Variants in SGCD observed in about 807,000 individuals in gnomAD.
SGCD encodes delta-sarcoglycan.
A neutral mutation model predicts 36.6 loss-of-function variants in SGCD; 18 were observed. The observed-to-expected ratio is 0.49, with a 90% CI of 0.34 to 0.73. SGCD has a LOEUF of 0.73. SGCD is among the 30% of genes least tolerant of loss of function. SGCD has a pLI of 0.01. For synonymous variants in SGCD, 133 were observed against 130.6 expected, an observed-to-expected ratio of 1.02 and a Z score of -0.12; for missense variants, 387 against 346.7, an observed-to-expected ratio of 1.12 and a Z score of -0.92.
chr5:156,116,669 T>C (rs1229625024), intron 1 of SGCD, among the ~76,000 whole-genome samples: 1 of 152,108 alleles, frequency 6.6e-6, no homozygotes, highest in Non-Finnish European at 1.5e-5. Context: ...CTCAAGACTC[T>C]CCTGCATTCT....
chr5:156,325,269 A>G (rs1767776906), upstream of SGCD, among the ~76,000 whole-genome samples: 1 of 151,952 alleles, frequency 6.6e-6, no homozygotes, highest in Non-Finnish European at 1.5e-5. Context: ...GCAGCAGAAA[A>G]CTAGCCACTC....
intron 3 of SGCD, among the ~76,000 whole-genome samples, chr5:156,488,738 C>T (rs1232073597): frequency 6.6e-6 from 1 of 152,072 alleles, no homozygotes; most frequent in African/African-American, 2.4e-5. Context: ...AGAGCAGATA[C>T]ACAAATCAAA....
chr5:156,163,067 G>A (rs1360594994), intron 3 of SGCD, among the ~76,000 whole-genome samples: 1 of 151,480 alleles, frequency 6.6e-6, no homozygotes, highest in Non-Finnish European at 1.5e-5. Flanking sequence ...CTTTCTTAAG[G>A]TGCATTGCAG....
At chr5:156,257,446 C>G (rs367832978) in intron 3 of SGCD, among the ~76,000 whole-genome samples, 1 of 152,092 alleles carries the variant, frequency 6.6e-6, no homozygotes, top group Admixed American at 6.5e-5. Flanking sequence ...TGCACTCCAG[C>G]CTGGGCGACA....
At chr5:156,526,055 A>T (rs759190412) in intron 4 of SGCD, among the ~76,000 whole-genome samples, 2 of 152,132 alleles carry the variant, frequency 1.3e-5, no homozygotes, top group Non-Finnish European at 2.9e-5. Context: ...TGGTTTTGAA[A>T]TTGTATGCAA....
intron 1 of SGCD, among the ~76,000 whole-genome samples, chr5:156,012,997 C>G (rs1489486367): frequency 6.8e-6 from 1 of 147,954 alleles, no homozygotes; most frequent in East Asian, 2.0e-4. Context: ...AGTGTCTTTT[C>G]ATTTCCATAT....
chr5:156,171,806 G>A (rs929997287), intron 3 of SGCD, among the ~76,000 whole-genome samples: 9 of 152,130 alleles, frequency 5.9e-5, no homozygotes, highest in Non-Finnish European at 1.0e-4. Flanking sequence ...TCCAACTCTA[G>A]TGGCAATGTC....
the SGCD span, among the ~76,000 whole-genome samples, chr5:155,741,687 CTTTTTTT>C: frequency 3.0e-5 from 4 of 132,290 alleles, no homozygotes; most frequent in Admixed American, 7.7e-5. Context: ...CTTTTCTTTT[CTTTTTTT>C]TTTTTTTTTT....
intron 2 of SGCD, among the ~76,000 whole-genome samples, chr5:156,331,043 A>C (rs1289628324): frequency 6.6e-6 from 1 of 152,234 alleles, no homozygotes; most frequent in African/African-American, 2.4e-5. Flanking sequence ...ATATTAATAC[A>C]TATAGTTAAG....
At chr5:156,759,070 C>T in intron 8 of SGCD, 147 bp from the exon 9 acceptor site, 1 of 625,122 alleles carries the variant, frequency 1.6e-6, no homozygotes, top group South Asian at 2.0e-5. Context: ...TTGTTGGTAT[C>T]CAAATCCCCA....
intron 1 of SGCD, among the ~76,000 whole-genome samples, chr5:156,019,136 A>C (rs1371619910): frequency 6.6e-6 from 1 of 152,258 alleles, no homozygotes; most frequent in African/African-American, 2.4e-5. Context: ...CTAGTATAAT[A>C]AACTGATCTT....
At chr5:156,425,236 C>T (rs896437936) in intron 3 of SGCD, among the ~76,000 whole-genome samples, 1 of 151,868 alleles carries the variant, frequency 6.6e-6, no homozygotes, top group Admixed American at 6.6e-5. Flanking sequence ...ATGAGAAAAC[C>T]AAGAATTTAA....
intron 1 of SGCD, among the ~76,000 whole-genome samples, chr5:155,905,599 G>T (rs1012034629): frequency 6.6e-6 from 1 of 152,238 alleles, no homozygotes; most frequent in Non-Finnish European, 1.5e-5. Flanking sequence ...TTTATTGTGT[G>T]ATATGGTTTG....
At chr5:155,815,685 G>A in the SGCD span, among the ~76,000 whole-genome samples, 2 of 152,058 alleles carry the variant, frequency 1.3e-5, no homozygotes, top group Non-Finnish European at 2.9e-5. Context: ...GAGAGAGCAG[G>A]GGAAGGTGCC....
At chr5:156,747,860 G>A (rs1445048654) in intron 7 of SGCD, among the ~76,000 whole-genome samples, 1 of 152,130 alleles carries the variant, frequency 6.6e-6, no homozygotes, top group Admixed American at 6.5e-5. Flanking sequence ...AGACATGCCT[G>A]TCTTATAACC....
intron 1 of SGCD, among the ~76,000 whole-genome samples, chr5:155,874,939 T>C (rs1006974923): frequency 6.6e-6 from 1 of 152,116 alleles, no homozygotes; most frequent in African/African-American, 2.4e-5. Context: ...AGAAAGCGTA[T>C]GTCCACATAA....
chr5:156,312,867 A>G (rs1767423621), intron 3 of SGCD, among the ~76,000 whole-genome samples: 1 of 152,164 alleles, frequency 6.6e-6, no homozygotes, highest in Non-Finnish European at 1.5e-5. Flanking sequence ...CCAGCCCCAT[A>G]AGAAAATTGT....
chr5:156,523,920 C>G (rs1757517379), intron 4 of SGCD, among the ~76,000 whole-genome samples: 1 of 150,662 alleles, frequency 6.6e-6, no homozygotes, highest in Non-Finnish European at 1.5e-5. Flanking sequence ...TCAGTAGGTT[C>G]TTAGAAACTG....
chr5:156,438,493 CAA>C (rs989843902), intron 3 of SGCD, among the ~76,000 whole-genome samples: 4 of 152,018 alleles, frequency 2.6e-5, no homozygotes, highest in African/African-American at 9.7e-5. Flanking sequence ...ACAACAGAGC[CAA>C]AGAGAGGTGT....
Sources: gnomAD v4.1 joint callset for allele counts (sites outside exome capture counted in the v4.1 genomes callset) on GRCh38, gnomAD v4.1.1 for gene constraint, MANE v1.5 for transcripts, NCBI Gene and HGNC (gene_info 2026-07-23, HGNC 2026-07-21) for gene names.